The following PKD1L3 variants were observed in gnomAD, a reference collection of about 807,000 sequenced individuals.
PKD1L3 encodes the protein polycystin-1-like protein 3.
A neutral mutation model predicts 184.1 loss-of-function variants in PKD1L3; 239 were observed. That is an observed-to-expected ratio of 1.30 (90% CI 1.17 to 1.45). PKD1L3 has a LOEUF of 1.45. Ranked by LOEUF, PKD1L3 falls within the 40% of genes most tolerant of loss-of-function variation. The pLI is 0.00. For synonymous variants in PKD1L3, 996 were observed against 778.8 expected (o/e 1.28, Z -4.64); for missense variants, 2,660 against 2,067.2 (o/e 1.29, Z -5.56).
chr16:71,933,603 T>C, intron 27 of PKD1L3, 82 bp from the exon 28 acceptor site: 1 of 1,026,746 alleles, frequency 9.7e-7, no homozygotes, highest in Non-Finnish European at 1.5e-6. Context: ...GTGGCCAACA[T>C]AGAAGCAATG....
Position 71,996,057 on chromosome 16 carries a change from A to G in PKD1L3, c.418+2215T>C, listed in dbSNP as rs376085546. Among the ~76,000 whole-genome samples, 11 of 152,162 alleles carry G rather than the reference A, an allele frequency of 7.2e-5. No homozygotes were observed. In the South Asian group the frequency reaches 2.1e-3, roughly 29 times the overall value. On this transcript the variant is annotated intron_variant, in intron 2 of 29. Coordinates refer to ENST00000620267, the MANE Select transcript of PKD1L3 (RefSeq NM_181536.2). ...ATCAGTGCATTTTTCTTTTTTTTAA[A>G]AAATGTAACTTATTATTTTGAGATA...
At chr16:71,940,943 C>T (rs1479030307) in intron 24 of PKD1L3, among the ~76,000 whole-genome samples, 1 of 152,036 alleles carries the variant, frequency 6.6e-6, no homozygotes, top group Non-Finnish European at 1.5e-5. Context: ...TCAAACCATT[C>T]TGCCACCTCA....
At chr16:71,936,677 G>A (rs1435829980) in intron 25 of PKD1L3, among the ~76,000 whole-genome samples, 1 of 151,844 alleles carries the variant, frequency 6.6e-6, no homozygotes, top group Non-Finnish European at 1.5e-5. Flanking sequence ...AGTAGAGACG[G>A]CATTTCTCTA....
At chr16:71,937,493 A>C (rs899312728) in intron 24 of PKD1L3, 74 bp from the exon 25 acceptor site, 1 of 1,479,344 alleles carries the variant, frequency 6.8e-7, no homozygotes, top group Non-Finnish European at 9.0e-7. Context: ...TTTGTCTTTG[A>C]ATAACCCCAA....
At chr16:71,946,410 G>A (rs1330624101) in intron 22 of PKD1L3, among the ~76,000 whole-genome samples, 1 of 152,270 alleles carries the variant, frequency 6.6e-6, no homozygotes, top group East Asian at 1.9e-4. Flanking sequence ...GCATAGAGGA[G>A]ATACATATAT....
intron 22 of PKD1L3, among the ~76,000 whole-genome samples, chr16:71,945,461 C>T (rs2038566816): frequency 6.7e-6 from 1 of 148,736 alleles, no homozygotes; most frequent in Admixed American, 6.8e-5. Flanking sequence ...GACTGATCAC[C>T]TGAGCTGAGG....
intron 17 of PKD1L3, among the ~76,000 whole-genome samples, chr16:71,953,400 A>AGAGGTTTAATTGACTCAC (rs1555516982): frequency 6.6e-6 from 1 of 151,812 alleles, no homozygotes. Flanking sequence ...TTATAAAGAA[A>AGAGGTTTAATTGACTCAC]AGTTCTTCAT....
Position 71,949,991 on chromosome 16 carries a change from C to G in PKD1L3, c.3410G>C (p.Ser1137Thr). The G allele has an allele frequency of 6.4e-7, 1 of 1,551,456 alleles. No individual in the cohort carries two copies. The highest frequency in any genetic ancestry group is 8.7e-7 in the Non-Finnish European group (1 of 1,146,990). ...SREVTSFAIL[S>T]SEEGKKPISN... is the part of the protein sequence containing the mutation. ...GATGGGCTTTTTTCCTTCTTCTGAGCTCAGGATGGCAAAACTGGTGACTTC... is the reference window on the plus strand; with the variant it reads ...GATGGGCTTTTTTCCTTCTTCTGAGGTCAGGATGGCAAAACTGGTGACTTC... The change falls in exon 21 of 30, where the codon AGC becomes ACC. Residue 1137 changes from serine to threonine, a missense_variant. Physicochemically the swap from Ser to Thr is moderately conservative, Grantham distance 58. Transcript: ENST00000620267.
chr16:71,976,029 C>A (rs1294047811), intron 11 of PKD1L3, among the ~76,000 whole-genome samples: 1 of 151,512 alleles, frequency 6.6e-6, no homozygotes, highest in Non-Finnish European at 1.5e-5. Flanking sequence ...CTCACTGCAA[C>A]CTCTGCCTCC....
chr16:71,958,479 A>G (rs2039136313), intron 16 of PKD1L3, among the ~76,000 whole-genome samples: 2 of 151,676 alleles, frequency 1.3e-5, no homozygotes, highest in Admixed American at 1.3e-4. Context: ...CAGAGTAATG[A>G]TAAGAAATAC....
At chr16:71,989,420 T>C (rs1459969785) in intron 4 of PKD1L3, among the ~76,000 whole-genome samples, 1 of 152,260 alleles carries the variant, frequency 6.6e-6, no homozygotes, top group Non-Finnish European at 1.5e-5. Context: ...CCCAAAGGGC[T>C]GGGATTACGG....
intron 16 of PKD1L3, among the ~76,000 whole-genome samples, chr16:71,962,232 G>A (rs1171220702): frequency 6.6e-6 from 1 of 151,996 alleles, no homozygotes; most frequent in African/African-American, 2.4e-5. Context: ...CTAGGACATG[G>A]TGTGTGGGCC....
chr16:71,970,003 C>A lies in PKD1L3; in HGVS notation c.2056G>T (p.Asp686Tyr). ...ACGCGAAGGAACAGTTTGATCGTGTCTTCAACATTCACGGTCCTGGGCACG... is the reference window on the plus strand; with the variant it reads ...ACGCGAAGGAACAGTTTGATCGTGTATTCAACATTCACGGTCCTGGGCACG... ...FVVPRTVNVE[D>Y]TIKLFLRVTN... The change falls in exon 13 of 30, where the codon GAC (aspartate) becomes TAC (tyrosine). Residue 686 changes from aspartate to tyrosine, a missense_variant. Coordinates refer to ENST00000620267, the MANE Select transcript of PKD1L3 (RefSeq NM_181536.2). 6.4e-7 allele frequency: 1 copy of A among 1,551,722 alleles called. No homozygotes were observed. The highest frequency in any genetic ancestry group is 8.7e-7 in the Non-Finnish European group (1 of 1,147,016).
At chr16:71,993,161 T>A (rs1017125214) in intron 3 of PKD1L3, 55 bp downstream of exon 3, 4 of 1,251,960 alleles carry the variant, frequency 3.2e-6, no homozygotes, top group Admixed American at 2.3e-5. Context: ...GTGCATTCTT[T>A]TAGCAGAAAT....
chr16:71,942,610 T>C lies in PKD1L3; in HGVS notation c.4274A>G (p.His1425Arg). The C allele has an allele frequency of 6.4e-7, 1 of 1,551,702 alleles. No individual in the cohort carries two copies. Among genetic ancestry groups the C allele is most frequent in the Non-Finnish European group, 8.7e-7 (1 of 1,146,996 alleles). ...PMVLIPTDEL[H>R]ERLTSKNENG... is the part of the protein sequence containing the mutation. ...CTCATTCTTGCTTGTCAGCCTTTCG[T>C]GAAGCTCATCAGTGGGAATCAGCAC... is the stretch of plus-strand genomic sequence containing the variant. The change falls in exon 24 of 30, where the codon CAC (histidine) becomes CGC (arginine). Residue 1425 changes from histidine (H) to arginine (R), a missense_variant. Coordinates refer to ENST00000620267, the MANE Select transcript of PKD1L3 (RefSeq NM_181536.2).
At chr16:71,945,251 T>C (rs1156276846) in intron 22 of PKD1L3, among the ~76,000 whole-genome samples, 15 of 129,222 alleles carry the variant, frequency 1.2e-4, no homozygotes, top group African/African-American at 3.8e-4. Context: ...AGGCCTAAGA[T>C]TCTGAATTTC....
Position 71,986,220 on chromosome 16 carries a change from C to G in PKD1L3, c.834+1G>C. 6.4e-7 allele frequency: 1 copy of G among 1,552,140 alleles called. No individual in the cohort carries two copies. Among genetic ancestry groups the G allele is most frequent in the East Asian group, 2.4e-5 (1 of 40,926 alleles). ...CTGTGACTTGAATTTCCCATGTTTA[C>G]CTGACCAGATGCCTTCTGCAATGAC... is the stretch of plus-strand genomic sequence containing the variant. On this transcript the variant is annotated splice_donor_variant, in intron 5 of 29. Transcript: ENST00000620267. LOFTEE classifies it high-confidence loss of function.
Position 71,942,848 on chromosome 16 carries a change from C to T in PKD1L3, c.4036G>A (p.Asp1346Asn), listed in dbSNP as rs1368107766. 7.7e-6 allele frequency: 12 copies of T among 1,551,460 alleles called. No homozygotes were observed. In the East Asian group the frequency reaches 2.7e-4, roughly 35 times the overall value. ...AGGACTGCATTCTTACCTCTGTAAT[C>T]CCCATACAGGCTAGGAAGAAGGATA... is the stretch of plus-strand genomic sequence containing the variant. ...NHILLPSLYG[D>N]YRGKNAVLEP... Residue 1346 changes from aspartate to asparagine, a missense_variant, in exon 24 of 30, where the codon GAT (aspartate) becomes AAT (asparagine). Physicochemically the swap from Asp to Asn is conservative, Grantham distance 23. Transcript: ENST00000620267.
At chr16:71,952,748 AC>A in intron 18 of PKD1L3, 145 bp downstream of exon 18, 1 of 750,564 alleles carries the variant, frequency 1.3e-6, no homozygotes, top group Non-Finnish European at 2.0e-6. Context: ...AGGTGGGAGG[AC>A]CACTTGAGCC....
Sources: allele counts gnomAD v4.1 joint callset (sites outside exome capture counted in the v4.1 genomes callset), GRCh38; gene constraint gnomAD v4.1.1; transcripts MANE v1.5; gene names NCBI Gene and HGNC (gene_info 2026-07-23, HGNC 2026-07-21).